CLDN16: variants seen among roughly 807,000 people sequenced by gnomAD.
CLDN16 encodes claudin-16.
CLDN16 carries 13 observed loss-of-function variants against 24.6 expected under a neutral mutation model. That is an observed-to-expected ratio of 0.53 (90% confidence interval 0.34 to 0.84). The LOEUF (loss-of-function observed/expected upper bound fraction) is 0.84, where lower values mean the gene tolerates loss of function less well. Among genes scored for constraint, CLDN16 ranks in the 40% least tolerant of loss-of-function variants. The pLI is 0.01. For missense variants in CLDN16, 298 were observed against 292.7 expected, an observed-to-expected ratio of 1.02 and a Z score of -0.13; for synonymous variants, 116 against 106.7, an observed-to-expected ratio of 1.09 and a Z score of -0.54.
intron 1 of CLDN16, among the ~76,000 whole-genome samples, chr3:190,357,684 T>C (rs1268340505): frequency 6.6e-6 from 1 of 151,992 alleles, no homozygotes; most frequent in Non-Finnish European, 1.5e-5. Flanking sequence ...GTTTTTCCTC[T>C]TTCACAGGTT....
intron 3 of CLDN16, among the ~76,000 whole-genome samples, chr3:190,376,550 G>A (rs1718252653): frequency 1.3e-5 from 2 of 151,888 alleles, no homozygotes; most frequent in Non-Finnish European, 2.9e-5. Context: ...TTAACCAAAA[G>A]AGTCTGAAAA....
chr3:190,299,550 A>T, the CLDN16 span, among the ~76,000 whole-genome samples: 69,386 of 151,232 alleles, frequency 0.46, 16,919 homozygotes, highest in African/African-American at 0.65. Context: ...TTTTTTCTGA[A>T]TTTTTTTTAT....
At chr3:190,321,488 A>T (rs1251824164), upstream of CLDN16, among the ~76,000 whole-genome samples, 1 of 152,240 alleles carries the variant, frequency 6.6e-6, no homozygotes, top group Non-Finnish European at 1.5e-5. Flanking sequence ...TAGGAATGTA[A>T]CTTTTACTAT....
intron 1 of CLDN16, among the ~76,000 whole-genome samples, chr3:190,350,344 T>TATATATATATATATATATATATA (rs1560085135): frequency 9.2e-5 from 13 of 142,062 alleles, no homozygotes; most frequent in Non-Finnish European, 1.7e-4. Context: ...GTTCATAATG[T>TATATATATATATATATATATATA]TATATATATA....
At chr3:190,354,441 A>T (rs1239679306) in intron 1 of CLDN16, among the ~76,000 whole-genome samples, 1 of 151,904 alleles carries the variant, frequency 6.6e-6, no homozygotes, top group Non-Finnish European at 1.5e-5. Context: ...ATTACTTTAT[A>T]TAAAAAGGGA....
chr3:190,347,791 G>A (rs1001708784), intron 1 of CLDN16, among the ~76,000 whole-genome samples: 2 of 152,168 alleles, frequency 1.3e-5, no homozygotes, highest in Non-Finnish European at 2.9e-5. Flanking sequence ...GTGGCGACAA[G>A]TGAGCTGAGA....
intron 1 of CLDN16, among the ~76,000 whole-genome samples, chr3:190,328,445 T>C (rs1044560319): frequency 6.6e-6 from 1 of 152,214 alleles, no homozygotes; most frequent in Non-Finnish European, 1.5e-5. Flanking sequence ...TATGTGTATC[T>C]CACAGTGTTG....
chr3:190,357,593 A>G (rs985571214), intron 1 of CLDN16, among the ~76,000 whole-genome samples: 3 of 151,928 alleles, frequency 2.0e-5, no homozygotes, highest in African/African-American at 7.2e-5. Context: ...TCAGTATGAT[A>G]CTGAAAGTTC....
At chr3:190,345,512 G>A (rs775619007) in intron 1 of CLDN16, among the ~76,000 whole-genome samples, 4 of 152,060 alleles carry the variant, frequency 2.6e-5, no homozygotes, top group Admixed American at 6.6e-5. Flanking sequence ...AACAAGCCTC[G>A]TGTTTTTCCA....
At chr3:190,384,581 C>T (rs1178224179), upstream of CLDN16, among the ~76,000 whole-genome samples, 1 of 152,194 alleles carries the variant, frequency 6.6e-6, no homozygotes, top group Non-Finnish European at 1.5e-5. Flanking sequence ...ATTGACCAAA[C>T]TGTTGGTCTT....
chr3:190,328,249 C>T (rs536705021), intron 1 of CLDN16, among the ~76,000 whole-genome samples: 1 of 152,202 alleles, frequency 6.6e-6, no homozygotes, highest in South Asian at 2.1e-4. Flanking sequence ...ACACTGCACT[C>T]CTGCCTGGGT....
chr3:190,299,083 C>T, the CLDN16 span, among the ~76,000 whole-genome samples: 1 of 152,168 alleles, frequency 6.6e-6, no homozygotes, highest in Non-Finnish European at 1.5e-5. Context: ...TATGCTACAA[C>T]ACTTGGATGC....
intron 3 of CLDN16, among the ~76,000 whole-genome samples, chr3:190,375,888 A>T (rs905584520): frequency 5.7e-4 from 86 of 151,916 alleles, no homozygotes; most frequent in Non-Finnish European, 9.4e-4. Flanking sequence ...CCCCCACAAA[A>T]AAACACCCTG....
At chr3:190,308,227 A>G in the CLDN16 span, 2 of 1,600,448 alleles carry the variant, frequency 1.2e-6, no homozygotes, top group South Asian at 1.1e-5. Context: ...TAGTATCTCA[A>G]TGTCCATTTT....
At position 190,404,826 on chromosome 3, in the gene CLDN16, C is replaced by T. The variant is rs756572012; in HGVS notation, c.282C>T (p.Leu94=). The change falls in exon 3 of 5, where the codon CTC becomes CTT. Residue 94 remains leucine, a synonymous_variant. Transcript: ENST00000264734. The part of the protein sequence containing the change: ...TADILAGFGF[L]TLLLGLDCVK... ...ATATTCTAGCTGGGTTTGGATTTCT[C>T]ACCCTGCTCCTTGGTCTTGACTGCG... 6.2e-7 allele frequency: 1 copy of T among 1,614,076 alleles called. No individual in the cohort carries two copies. The highest frequency in any genetic ancestry group is 8.5e-7 in the Non-Finnish European group (1 of 1,179,946).
intron 1 of CLDN16, among the ~76,000 whole-genome samples, chr3:190,363,516 T>G (rs1365600991): frequency 7.0e-6 from 1 of 143,432 alleles, no homozygotes; most frequent in Non-Finnish European, 1.5e-5. Context: ...GTATAATAAT[T>G]TTTTATTAAA....
At chr3:190,331,762 A>C (rs1197714592) in intron 1 of CLDN16, among the ~76,000 whole-genome samples, 1 of 152,218 alleles carries the variant, frequency 6.6e-6, no homozygotes, top group Non-Finnish European at 1.5e-5. Context: ...CCACAAATTT[A>C]GTGGCTTAAA....
the CLDN16 span, among the ~76,000 whole-genome samples, chr3:190,303,989 T>G: frequency 6.6e-6 from 1 of 152,176 alleles, no homozygotes; most frequent in South Asian, 2.1e-4. Flanking sequence ...GGATGGGTGT[T>G]ACTCAGAAAA....
the CLDN16 span, among the ~76,000 whole-genome samples, chr3:190,291,553 T>G: frequency 6.6e-6 from 1 of 152,028 alleles, no homozygotes; most frequent in South Asian, 2.1e-4. Context: ...GGTCCCTCCC[T>G]CAACACACAG....
Sources: gnomAD v4.1 joint callset for allele counts (sites outside exome capture counted in the v4.1 genomes callset) on GRCh38, gnomAD v4.1.1 for gene constraint, MANE v1.5 for transcripts, NCBI Gene and HGNC (gene_info 2026-07-23, HGNC 2026-07-21) for gene names.